DLGAP2: variants seen among roughly 807,000 people sequenced by gnomAD.
The protein encoded by DLGAP2 is disks large-associated protein 2.
Under a neutral mutation model 100.3 loss-of-function variants are expected in DLGAP2, and 26 were observed. That is an observed-to-expected ratio of 0.26 (90% CI 0.19 to 0.36). The LOEUF (loss-of-function observed/expected upper bound fraction) is 0.36, where lower values mean the gene tolerates loss of function less well. Among genes scored for constraint, DLGAP2 ranks in the 10% least tolerant of loss-of-function variants. The pLI is 1.00. For missense variants in DLGAP2, 1,858 were observed against 1,453.2 expected (o/e 1.28, Z -4.53); for synonymous variants, 886 against 630.1 (o/e 1.41, Z -6.08).
chr8:786,988 C>G (rs765777595), intron 1 of DLGAP2, among the ~76,000 whole-genome samples: 53 of 152,190 alleles, frequency 3.5e-4, no homozygotes, highest in South Asian at 1.0e-3. Flanking sequence ...CTGTCAGATT[C>G]TAACCAGGAA....
chr8:1,452,430 T>A (rs1798189243), intron 3 of DLGAP2, among the ~76,000 whole-genome samples: 1 of 152,116 alleles, frequency 6.6e-6, no homozygotes, highest in Non-Finnish European at 1.5e-5. Context: ...GGAAGGAGAA[T>A]GAGAACAAAT....
intron 3 of DLGAP2, among the ~76,000 whole-genome samples, chr8:1,329,092 C>A (rs1253828618): frequency 6.6e-6 from 1 of 152,166 alleles, no homozygotes; most frequent in African/African-American, 2.4e-5. Flanking sequence ...AAGCGACAAG[C>A]GACGAGTGGG....
chr8:862,538 G>A (rs1427095729), intron 1 of DLGAP2, among the ~76,000 whole-genome samples: 2 of 152,014 alleles, frequency 1.3e-5, no homozygotes, highest in African/African-American at 2.4e-5. Flanking sequence ...TCCTGACCTC[G>A]TGATCTGGCC....
intron 1 of DLGAP2, among the ~76,000 whole-genome samples, chr8:819,729 G>C (rs998084156): frequency 2.0e-5 from 3 of 152,188 alleles, no homozygotes; most frequent in African/African-American, 7.2e-5. Flanking sequence ...AATGAAACAG[G>C]AATGTGTAAG....
intron 3 of DLGAP2, among the ~76,000 whole-genome samples, chr8:1,500,254 A>G (rs553850721): frequency 1.1e-4 from 17 of 152,288 alleles, no homozygotes; most frequent in African/African-American, 3.9e-4. Context: ...GCCACTCCCC[A>G]CACCACTCAC....
chr8:1,661,028 T>G (rs1295229997), intron 8 of DLGAP2, among the ~76,000 whole-genome samples: 1 of 152,224 alleles, frequency 6.6e-6, no homozygotes, highest in Non-Finnish European at 1.5e-5. Context: ...CTGTTTCTGC[T>G]GGCAAGGGTT....
intron 2 of DLGAP2, among the ~76,000 whole-genome samples, chr8:1,064,665 T>A (rs1803190331): frequency 6.6e-6 from 1 of 152,226 alleles, no homozygotes; most frequent in African/African-American, 2.4e-5. Flanking sequence ...CTCTAAAATA[T>A]TCGCTGTCAA....
chr8:1,376,321 A>C (rs1293244654), intron 3 of DLGAP2, among the ~76,000 whole-genome samples: 1 of 152,168 alleles, frequency 6.6e-6, no homozygotes, highest in African/African-American at 2.4e-5. Flanking sequence ...TTCTCACTCC[A>C]TCAGCCAGCT....
intron 6 of DLGAP2, among the ~76,000 whole-genome samples, chr8:1,600,297 C>T (rs756533570): frequency 1.3e-5 from 2 of 152,008 alleles, no homozygotes; most frequent in Admixed American, 1.3e-4. Flanking sequence ...CTCTGGCTGC[C>T]CTTATCATTT....
chr8:1,184,500 G>T (rs902353905), intron 2 of DLGAP2, among the ~76,000 whole-genome samples: 2 of 152,198 alleles, frequency 1.3e-5, no homozygotes, highest in East Asian at 1.9e-4. Flanking sequence ...GGTACCCGGG[G>T]TGCACGCGCT....
chr8:1,343,679 G>A (rs10094960), intron 3 of DLGAP2, among the ~76,000 whole-genome samples: 63,881 of 151,386 alleles, frequency 0.42, 13,562 homozygotes, highest in Middle Eastern at 0.51. Context: ...TCCGCAGTCA[G>A]CTTTTGGAGC....
chr8:1,567,384 G>A (rs1336018047), intron 6 of DLGAP2, among the ~76,000 whole-genome samples: 3 of 152,298 alleles, frequency 2.0e-5, no homozygotes, highest in Non-Finnish European at 4.4e-5. Flanking sequence ...TGGGGTTTTG[G>A]ACCCCCAGGT....
At chr8:1,333,092 C>G (rs895864260) in intron 3 of DLGAP2, among the ~76,000 whole-genome samples, 1 of 152,182 alleles carries the variant, frequency 6.6e-6, no homozygotes, top group Non-Finnish European at 1.5e-5. Flanking sequence ...CTCTTCATGC[C>G]TCCGGGCGGT....
chr8:1,425,638 C>A (rs566485959), intron 3 of DLGAP2, among the ~76,000 whole-genome samples: 1 of 152,178 alleles, frequency 6.6e-6, no homozygotes, highest in East Asian at 1.9e-4. Context: ...CTTCCACAAG[C>A]CTAGAGCTGT....
intron 10 of DLGAP2, among the ~76,000 whole-genome samples, chr8:1,672,828 C>G (rs566898027): frequency 1.7e-3 from 258 of 152,354 alleles, no homozygotes; most frequent in Non-Finnish European, 2.9e-3. Flanking sequence ...GAGTTTGCAT[C>G]AGATTCAGGG....
chr8:1,154,521 T>C (rs1796746876), intron 2 of DLGAP2, among the ~76,000 whole-genome samples: 1 of 152,232 alleles, frequency 6.6e-6, no homozygotes, highest in South Asian at 2.1e-4. Flanking sequence ...AGAAGAAAAC[T>C]GAGAAACTAA....
At chr8:1,655,909 G>A (rs925299178) in intron 8 of DLGAP2, among the ~76,000 whole-genome samples, 1 of 152,242 alleles carries the variant, frequency 6.6e-6, no homozygotes, top group Non-Finnish European at 1.5e-5. Flanking sequence ...TGAGGAAGAC[G>A]TTCCACGCTT....
chr8:958,046 C>G (rs571069686), intron 2 of DLGAP2, among the ~76,000 whole-genome samples: 6 of 152,168 alleles, frequency 3.9e-5, no homozygotes, highest in Admixed American at 3.9e-4. Flanking sequence ...CTCGCTAACC[C>G]ACCCCCAGCC....
At chr8:1,335,840 G>A (rs1006847350) in intron 3 of DLGAP2, among the ~76,000 whole-genome samples, 1 of 152,218 alleles carries the variant, frequency 6.6e-6, no homozygotes, top group Admixed American at 6.5e-5. Flanking sequence ...AGAAAATGTG[G>A]CTAAAAGGAA....
Sources: allele counts gnomAD v4.1 joint callset (sites outside exome capture counted in the v4.1 genomes callset), GRCh38; gene constraint gnomAD v4.1.1; transcripts MANE v1.5; gene names NCBI Gene and HGNC (gene_info 2026-07-23, HGNC 2026-07-21).